Variants in DNER observed in about 807,000 individuals in gnomAD.
DNER encodes the protein delta/notch like EGF repeat containing.
DNER carries 33 observed loss-of-function variants against 78.2 expected under a neutral mutation model. The ratio of observed to expected loss-of-function variants is 0.42; its 90% confidence interval spans 0.32 to 0.56. DNER has a LOEUF of 0.56. Ranked by LOEUF, DNER falls within the 20% of genes least tolerant of loss-of-function variation. The pLI, the probability that DNER is intolerant of heterozygous loss-of-function variation, is 0.11. For synonymous variants in DNER, 417 were observed against 384.8 expected (o/e 1.08, Z -0.98); for missense variants, 918 against 975.3 (o/e 0.94, Z 0.78).
chr2:229,484,818 C>T (rs1353856240), intron 6 of DNER, among the ~76,000 whole-genome samples: 1 of 152,144 alleles, frequency 6.6e-6, no homozygotes, highest in Admixed American at 6.5e-5. Flanking sequence ...GAACCTTAGT[C>T]CTTCAGACTA....
intron 5 of DNER, among the ~76,000 whole-genome samples, chr2:229,530,845 C>T (rs1234162178): frequency 2.0e-5 from 3 of 152,266 alleles, no homozygotes; most frequent in African/African-American, 7.2e-5. Context: ...GGAATGATTC[C>T]CCTGTTACCG....
intron 4 of DNER, among the ~76,000 whole-genome samples, chr2:229,551,155 TAA>T (rs759549409): frequency 2.0e-5 from 3 of 152,234 alleles, no homozygotes; most frequent in Non-Finnish European, 2.9e-5. Flanking sequence ...ATACTTCTTT[TAA>T]AAGTTTTCAT....
chr2:229,389,504 A>G (rs1174839460), intron 10 of DNER, among the ~76,000 whole-genome samples: 3 of 152,206 alleles, frequency 2.0e-5, no homozygotes, highest in Non-Finnish European at 4.4e-5. Flanking sequence ...AAATGCAGAA[A>G]GTGATGAGAA....
chr2:229,685,139 T>A (rs1257278343), intron 1 of DNER, among the ~76,000 whole-genome samples: 2 of 152,240 alleles, frequency 1.3e-5, no homozygotes, highest in African/African-American at 4.8e-5. Context: ...CTCTGATCTT[T>A]GGTTGCTTAG....
intron 11 of DNER, among the ~76,000 whole-genome samples, chr2:229,373,346 C>A (rs980796274): frequency 6.6e-6 from 1 of 152,128 alleles, no homozygotes; most frequent in African/African-American, 2.4e-5. Flanking sequence ...TGAAAAAATG[C>A]TCAACATCAC....
chr2:229,453,249 G>A (rs1256017565), intron 7 of DNER, among the ~76,000 whole-genome samples: 1 of 152,198 alleles, frequency 6.6e-6, no homozygotes, highest in Non-Finnish European at 1.5e-5. Context: ...ATAAGAAGCA[G>A]CAATAATTAT....
rs556544084 is a variant in DNER, at chr2:229,370,711, C to G, written c.1856-3592G>C. 5.9e-5 allele frequency among the ~76,000 whole-genome samples: 9 copies of G among 152,320 alleles called. No homozygotes were observed. In the East Asian group the frequency reaches 1.2e-3, roughly 20 times the overall value. On this transcript the variant is annotated intron_variant, in intron 11 of 12. Transcript: ENST00000341772. ...TTGCAGGCAGGAGTCCAACACTCAG[C>G]AGAGTATGTTATAACATCCATTTAG...
chr2:229,504,320 A>G (rs1695689862), intron 6 of DNER, among the ~76,000 whole-genome samples: 1 of 152,134 alleles, frequency 6.6e-6, no homozygotes, highest in Admixed American at 6.5e-5. Context: ...CCCGGGTTCA[A>G]GCGATTCTCC....
chr2:229,361,381 A>C (rs1186890036), intron 12 of DNER, among the ~76,000 whole-genome samples: 1 of 152,200 alleles, frequency 6.6e-6, no homozygotes, highest in Non-Finnish European at 1.5e-5. Flanking sequence ...GAAGCTAGAG[A>C]AAATTATAAA....
intron 5 of DNER, among the ~76,000 whole-genome samples, chr2:229,517,126 A>T (rs976611598): frequency 6.6e-6 from 1 of 151,400 alleles, no homozygotes; most frequent in Admixed American, 6.6e-5. Flanking sequence ...AAAAAAAAAA[A>T]AGAAAAAAAA....
intron 1 of DNER, among the ~76,000 whole-genome samples, chr2:229,703,811 A>G (rs1366304553): frequency 1.3e-5 from 2 of 151,980 alleles, no homozygotes; most frequent in African/African-American, 4.8e-5. Flanking sequence ...TGGGAGGCGG[A>G]GGTTGCAAGG....
At chr2:229,475,841 C>G (rs761883134) in intron 7 of DNER, among the ~76,000 whole-genome samples, 14 of 152,226 alleles carry the variant, frequency 9.2e-5, no homozygotes, top group Non-Finnish European at 1.5e-4. Context: ...GGTCCCAGGA[C>G]GACCCTGCAG....
chr2:229,618,564 CG>C (rs1360875801), intron 1 of DNER, among the ~76,000 whole-genome samples: 1 of 152,124 alleles, frequency 6.6e-6, no homozygotes, highest in Non-Finnish European at 1.5e-5. Flanking sequence ...GCTGGTGCCC[CG>C]GACGCACAGC....
intron 6 of DNER, among the ~76,000 whole-genome samples, chr2:229,490,744 G>A (rs1204190700): frequency 3.9e-5 from 6 of 152,038 alleles, no homozygotes; most frequent in Admixed American, 3.9e-4. Flanking sequence ...TCTCAATAAA[G>A]CTGTTATTTA....
chr2:229,523,640 T>C (rs1574884399), intron 5 of DNER, among the ~76,000 whole-genome samples: 5 of 152,314 alleles, frequency 3.3e-5, no homozygotes, highest in Admixed American at 3.3e-4. Context: ...CATACAAATT[T>C]GGGGGGCAGG....
intron 7 of DNER, among the ~76,000 whole-genome samples, chr2:229,460,307 A>C (rs1242299973): frequency 1.3e-5 from 2 of 151,908 alleles, no homozygotes; most frequent in Non-Finnish European, 1.5e-5. Context: ...TTAAGAGAAA[A>C]TCATAAATGT....
chr2:229,441,732 T>A (rs533457001), intron 8 of DNER, among the ~76,000 whole-genome samples: 1 of 152,318 alleles, frequency 6.6e-6, no homozygotes, highest in East Asian at 1.9e-4. Flanking sequence ...AAAGTGGTCT[T>A]GTTTTGCCTG....
intron 5 of DNER, among the ~76,000 whole-genome samples, chr2:229,517,592 C>G (rs149859693): frequency 9.2e-5 from 14 of 152,178 alleles, no homozygotes; most frequent in Admixed American, 1.3e-4. Context: ...AAACCAGTGT[C>G]GCTAGAGTAT....
chr2:229,511,175 C>A (rs1362821370), intron 6 of DNER, among the ~76,000 whole-genome samples: 1 of 152,180 alleles, frequency 6.6e-6, no homozygotes, highest in Non-Finnish European at 1.5e-5. Context: ...TTCATTCCAT[C>A]CCTTTTTCAC....
Sources: gnomAD v4.1 joint callset for allele counts (sites outside exome capture counted in the v4.1 genomes callset) on GRCh38, gnomAD v4.1.1 for gene constraint, MANE v1.5 for transcripts, NCBI Gene and HGNC (gene_info 2026-07-23, HGNC 2026-07-21) for gene names.